SLC39A11: variants seen among roughly 807,000 people sequenced by gnomAD.
The protein encoded by SLC39A11 is solute carrier family 39 member 11.
Under a neutral mutation model 36.1 loss-of-function variants are expected in SLC39A11, and 33 were observed. The ratio of observed to expected loss-of-function variants is 0.91; its 90% CI spans 0.69 to 1.22. SLC39A11 has a LOEUF of 1.22. SLC39A11 is among the 50% of genes most tolerant of loss of function. The pLI is 0.00. For missense variants in SLC39A11, 432 were observed against 430.3 expected (o/e 1.00, Z -0.03); for synonymous variants, 166 against 170.3 (o/e 0.97, Z 0.20).
At chr17:72,853,310 G>A (rs115895374) in intron 5 of SLC39A11, among the ~76,000 whole-genome samples, 1,844 of 151,780 alleles carry the variant, frequency 0.012, 56 homozygotes, top group African/African-American at 0.039. Context: ...TTATAGGTAT[G>A]AGCCACTGCA....
At chr17:72,855,361 T>C (rs375887012) in intron 5 of SLC39A11, among the ~76,000 whole-genome samples, 7 of 152,272 alleles carry the variant, frequency 4.6e-5, no homozygotes, top group East Asian at 1.9e-4. Context: ...CCCCGATGAA[T>C]ATGGCAATGC....
chr17:73,033,975 T>C (rs2058823746), intron 3 of SLC39A11, among the ~76,000 whole-genome samples: 1 of 152,042 alleles, frequency 6.6e-6, no homozygotes. Context: ...TCCAAAACTC[T>C]AAGAATGAAA....
At chr17:72,953,598 G>A (rs1170056380) in intron 4 of SLC39A11, among the ~76,000 whole-genome samples, 1 of 152,210 alleles carries the variant, frequency 6.6e-6, no homozygotes, top group Non-Finnish European at 1.5e-5. Context: ...ACAGGCCAGA[G>A]CATCACTGAA....
At chr17:72,765,454 C>T (rs1195702226) in intron 6 of SLC39A11, among the ~76,000 whole-genome samples, 1 of 152,214 alleles carries the variant, frequency 6.6e-6, no homozygotes, top group African/African-American at 2.4e-5. Flanking sequence ...GCCTCCCATT[C>T]CACCGGCTCT....
chr17:72,894,467 T>C (rs1242445256), intron 5 of SLC39A11, among the ~76,000 whole-genome samples: 1 of 125,818 alleles, frequency 7.9e-6, no homozygotes, highest in Non-Finnish European at 1.6e-5. Context: ...CAGGAGACCA[T>C]CCTGGCTAAC....
chr17:72,856,118 C>T (rs935446776), intron 5 of SLC39A11, among the ~76,000 whole-genome samples: 2 of 152,122 alleles, frequency 1.3e-5, no homozygotes, highest in African/African-American at 4.8e-5. Flanking sequence ...AGAAGTTGAA[C>T]TGTTGATCAA....
At chr17:73,033,273 G>T (rs546416879) in intron 3 of SLC39A11, among the ~76,000 whole-genome samples, 1 of 152,186 alleles carries the variant, frequency 6.6e-6, no homozygotes, top group South Asian at 2.1e-4. Flanking sequence ...TCCATGGCCC[G>T]GGGATTGGGG....
intron 5 of SLC39A11, among the ~76,000 whole-genome samples, chr17:72,890,360 G>C (rs1364499349): frequency 6.6e-6 from 1 of 151,946 alleles, no homozygotes; most frequent in Non-Finnish European, 1.5e-5. Context: ...GTTATAACTA[G>C]GGATTCAACT....
At chr17:73,062,465 A>AG (rs2059872143) in intron 3 of SLC39A11, among the ~76,000 whole-genome samples, 2 of 140,232 alleles carry the variant, frequency 1.4e-5, no homozygotes, top group African/African-American at 2.5e-5. Context: ...TTGTCTCAAA[A>AG]AAAAAAAAAA....
intron 7 of SLC39A11, among the ~76,000 whole-genome samples, chr17:72,699,019 CG>C (rs1252968685): frequency 2.0e-5 from 3 of 152,034 alleles, no homozygotes; most frequent in Admixed American, 1.3e-4. Context: ...TTAGTAGAGA[CG>C]GGGTTTCACC....
At chr17:72,921,675 G>A (rs1307752157) in intron 5 of SLC39A11, among the ~76,000 whole-genome samples, 3 of 152,134 alleles carry the variant, frequency 2.0e-5, no homozygotes, top group South Asian at 2.1e-4. Flanking sequence ...GCCCCTGATC[G>A]AAATGTTAGA....
chr17:72,831,899 T>C (rs1342698115), intron 6 of SLC39A11, among the ~76,000 whole-genome samples: 1 of 152,222 alleles, frequency 6.6e-6, no homozygotes, highest in African/African-American at 2.4e-5. Context: ...GTTACGCAGA[T>C]GGGCTGCAAA....
At chr17:72,658,174 AG>A (rs1281828046) in intron 7 of SLC39A11, among the ~76,000 whole-genome samples, 6 of 151,480 alleles carry the variant, frequency 4.0e-5, no homozygotes, top group African/African-American at 1.2e-4. Flanking sequence ...TAGAAGATGG[AG>A]GGGGGCTGGG....
chr17:72,758,797 C>A (rs1037526145), intron 6 of SLC39A11, among the ~76,000 whole-genome samples: 1 of 152,228 alleles, frequency 6.6e-6, no homozygotes, highest in African/African-American at 2.4e-5. Flanking sequence ...CTGCCCAGAT[C>A]GGTTGATACT....
intron 4 of SLC39A11, among the ~76,000 whole-genome samples, chr17:73,012,735 A>G (rs958444981): frequency 6.6e-6 from 1 of 151,728 alleles, no homozygotes; most frequent in Non-Finnish European, 1.5e-5. Flanking sequence ...TACTGTTCCC[A>G]TCCTTATGAC....
chr17:73,081,111 A>C (rs1568241570), intron 3 of SLC39A11, among the ~76,000 whole-genome samples: 1 of 152,144 alleles, frequency 6.6e-6, no homozygotes, highest in Non-Finnish European at 1.5e-5. Flanking sequence ...AAGGAACTCA[A>C]ACAAATCAGC....
At chr17:73,091,967 T>C (rs1195942239) in intron 1 of SLC39A11, 1 of 152,206 alleles carries the variant, frequency 6.6e-6, no homozygotes, top group East Asian at 1.9e-4. Flanking sequence ...GAAACAGCAC[T>C]AGGGCTGCTG....
intron 6 of SLC39A11, among the ~76,000 whole-genome samples, chr17:72,823,394 G>A (rs2077878845): frequency 6.6e-6 from 1 of 151,102 alleles, no homozygotes; most frequent in African/African-American, 2.4e-5. Context: ...CCAGACATTG[G>A]TTCCGTGCAT....
At chr17:72,900,993 C>T (rs750698303) in intron 5 of SLC39A11, among the ~76,000 whole-genome samples, 2 of 150,078 alleles carry the variant, frequency 1.3e-5, no homozygotes, top group African/African-American at 2.5e-5. Flanking sequence ...AAAAAAAACA[C>T]GAAAAAAAAA....
Sources: gnomAD v4.1 joint callset for allele counts (sites outside exome capture counted in the v4.1 genomes callset) on GRCh38, gnomAD v4.1.1 for gene constraint, MANE v1.5 for transcripts, NCBI Gene and HGNC (gene_info 2026-07-23, HGNC 2026-07-21) for gene names.